ALG12: variants seen among roughly 807,000 people sequenced by gnomAD.
ALG12 encodes the protein ALG12 alpha-1,6-mannosyltransferase.
ALG12 carries 36 observed loss-of-function variants against 46.0 expected under a neutral mutation model. That is an observed-to-expected ratio of 0.78 (90% CI 0.60 to 1.03). ALG12 has a LOEUF of 1.03. Among genes scored for constraint, ALG12 ranks in the 50% least tolerant of loss-of-function variants. The pLI is 0.00. For synonymous variants in ALG12, 326 were observed against 291.6 expected, an observed-to-expected ratio of 1.12 and a Z score of -1.20; for missense variants, 599 against 633.5, an observed-to-expected ratio of 0.95 and a Z score of 0.58.
chr22:49,879,866 GGTTTTTCTCCTGGTC>G, the ALG12 span, among the ~76,000 whole-genome samples: 2 of 55,810 alleles, frequency 3.6e-5, no homozygotes, highest in African/African-American at 1.2e-4. Context: ...TCTATTGGTT[GGTTTTTCTCCTGGTC>G]AGTGTCTGGG....
the ALG12 span, among the ~76,000 whole-genome samples, chr22:49,863,811 A>G: frequency 0.057 from 8,730 of 152,256 alleles, 305 homozygotes; most frequent in South Asian, 0.093. Flanking sequence ...TCATTTTCCT[A>G]TCAGCCTCCA....
At chr22:49,874,457 C>T in the ALG12 span, among the ~76,000 whole-genome samples, 22 of 151,154 alleles carry the variant, frequency 1.5e-4, no homozygotes, top group Non-Finnish European at 2.2e-4. Context: ...GCGATCTCGG[C>T]TCACTGCAAC....
chr22:49,885,349 C>G, the ALG12 span: 2 of 1,589,422 alleles, frequency 1.3e-6, no homozygotes, highest in Non-Finnish European at 8.6e-7. Context: ...GACCTCGAAG[C>G]TGTGGAATCA....
the ALG12 span, chr22:49,884,757 G>C: frequency 3.8e-5 from 60 of 1,596,264 alleles, no homozygotes; most frequent in Non-Finnish European, 5.1e-5. Context: ...TGCTGCCGCC[G>C]GAGGGGGAGC....
At chr22:49,876,550 A>G in the ALG12 span, among the ~76,000 whole-genome samples, 1 of 151,718 alleles carries the variant, frequency 6.6e-6, no homozygotes, top group South Asian at 2.1e-4. Context: ...TTATTCTTAA[A>G]TCTTTACCCG....
At chr22:49,873,797 A>G in the ALG12 span, among the ~76,000 whole-genome samples, 1 of 152,330 alleles carries the variant, frequency 6.6e-6, no homozygotes, top group Admixed American at 6.5e-5. Flanking sequence ...GTCTGTTTTG[A>G]AGAGAGAACA....
At chr22:49,884,092 A>G in the ALG12 span, 1 of 1,613,012 alleles carries the variant, frequency 6.2e-7, no homozygotes, top group Non-Finnish European at 8.5e-7. Context: ...GAAGGAGTTC[A>G]GCAGAGGCAA....
chr22:49,908,029 T>C (rs985660252), intron 6 of ALG12, 85 bp from the exon 7 acceptor site: 1 of 1,357,884 alleles, frequency 7.4e-7, no homozygotes, highest in Non-Finnish European at 1.0e-6. Flanking sequence ...AGAAGACGCT[T>C]GAAGACAGTT....
chr22:49,908,616 C>A (rs1023559045), intron 6 of ALG12, among the ~76,000 whole-genome samples: 1 of 145,078 alleles, frequency 6.9e-6, no homozygotes, highest in Admixed American at 6.8e-5. Context: ...TCCATCTATG[C>A]GTGTATGTTT....
At chr22:49,873,591 G>C in the ALG12 span, among the ~76,000 whole-genome samples, 3 of 152,224 alleles carry the variant, frequency 2.0e-5, no homozygotes, top group African/African-American at 7.2e-5. Context: ...GTTAGAAAAT[G>C]GCACCGATGG....
At chr22:49,915,460 G>A (rs1014808967) in intron 1 of ALG12, among the ~76,000 whole-genome samples, 2 of 152,150 alleles carry the variant, frequency 1.3e-5, no homozygotes, top group African/African-American at 4.8e-5. Context: ...GGGAGGCTAA[G>A]GCAGGAGAAT....
Position 49,909,903 on chromosome 22 carries a change from G to C in ALG12, c.655C>G (p.Leu219Val), listed in dbSNP as rs779554978. The change falls in exon 5 of 10, where the codon CTC (leucine) becomes GTC (valine). Residue 219 changes from leucine (L) to valine (V), a missense_variant. Transcript: ENST00000330817. ...ALRHAVPAGI[L>V]CLGLTVAVDS... ...ACAGTGACTGACTTACCTAAACAGA[G>C]GATCCCTGCCGGGACGGCGTGGCGA... 2.5e-6 allele frequency: 4 copies of C among 1,614,020 alleles called. No individual in the cohort carries two copies. The African/African-American group carries it at 5.3e-5, about 22-fold the overall frequency.
At chr22:49,862,560 C>A in the ALG12 span, among the ~76,000 whole-genome samples, 1 of 152,196 alleles carries the variant, frequency 6.6e-6, no homozygotes, top group African/African-American at 2.4e-5. Flanking sequence ...TTGCCAGCTT[C>A]CAGAGCCCCT....
chr22:49,864,621 A>G, the ALG12 span, among the ~76,000 whole-genome samples: 2 of 152,254 alleles, frequency 1.3e-5, no homozygotes, highest in Non-Finnish European at 2.9e-5. Context: ...GTTTGAGACC[A>G]GCCTCAGCAA....
At chr22:49,880,919 T>G in the ALG12 span, among the ~76,000 whole-genome samples, 1 of 152,254 alleles carries the variant, frequency 6.6e-6, no homozygotes, top group Non-Finnish European at 1.5e-5. Context: ...TTTGCAGCTT[T>G]CAGTATACAG....
At chr22:49,891,923 A>G in the ALG12 span, among the ~76,000 whole-genome samples, 4 of 152,296 alleles carry the variant, frequency 2.6e-5, no homozygotes, top group Non-Finnish European at 5.9e-5. Flanking sequence ...AGCAACTGCT[A>G]TCAGACCAAA....
the ALG12 span, chr22:49,886,246 C>T: frequency 1.0e-5 from 11 of 1,082,578 alleles, no homozygotes; most frequent in South Asian, 2.8e-5. The surrounding 1 kb of genome is among the most constrained non-coding windows in gnomAD (Gnocchi z 7.7). Context: ...GCGGGTGCAC[C>T]GGTCGCCCAA....
At chr22:49,871,724 G>A in the ALG12 span, among the ~76,000 whole-genome samples, 4 of 151,056 alleles carry the variant, frequency 2.6e-5, 1 homozygote, top group South Asian at 8.5e-4. Flanking sequence ...TTGCTGAAGG[G>A]TGGGGTGGCT....
chr22:49,894,504 C>T, the ALG12 span, among the ~76,000 whole-genome samples: 5 of 152,340 alleles, frequency 3.3e-5, no homozygotes, highest in African/African-American at 7.2e-5. Flanking sequence ...GGGCACCACC[C>T]ACACATCTGC....
Sources: gnomAD v4.1 joint callset for allele counts (sites outside exome capture counted in the v4.1 genomes callset) on GRCh38, gnomAD v4.1.1 for gene constraint, Gnocchi (gnomAD v3.1) non-coding constraint, MANE v1.5 for transcripts, NCBI Gene and HGNC (gene_info 2026-07-23, HGNC 2026-07-21) for gene names.